The following EDA2R variants were observed in gnomAD, a reference collection of about 807,000 sequenced individuals.
EDA2R encodes the protein ectodysplasin A2 receptor.
In EDA2R, 26 loss-of-function variants were observed where a neutral mutation model predicts 20.1. That is an observed-to-expected ratio of 1.30 (90% CI 0.95 to 1.80). The LOEUF (loss-of-function observed/expected upper bound fraction) is 1.80, where lower values mean the gene tolerates loss of function less well. Among genes scored for constraint, EDA2R ranks in the 40% most tolerant of loss-of-function variants. The pLI is 0.00. For missense variants in EDA2R, 277 were observed against 228.7 expected (o/e 1.21, Z -1.36); for synonymous variants, 114 against 88.7 (o/e 1.29, Z -1.60).
chrX:66,613,031 AATT>A (rs1931050647), intron 2 of EDA2R, among the ~76,000 whole-genome samples: 1 of 111,504 alleles, frequency 9.0e-6, no homozygotes, highest in Non-Finnish European at 1.9e-5. Context: ...TTACAATAAT[AATT>A]ATTTGTTTTA....
At chrX:66,634,447 T>C (rs1934139363) in intron 1 of EDA2R, among the ~76,000 whole-genome samples, 1 of 111,267 alleles carries the variant, frequency 9.0e-6, no homozygotes, top group Non-Finnish European at 1.9e-5. Flanking sequence ...CTACTTGAAG[T>C]CCTTTAGTAA....
chrX:66,598,143 C>A, intron 6 of EDA2R, 50 bp from the exon 7 acceptor site: 1 of 577,151 alleles, frequency 1.7e-6, no homozygotes, highest in South Asian at 3.2e-5. Context: ...ATCTCACTAG[C>A]ACCCTTCTTT....
intron 2 of EDA2R, among the ~76,000 whole-genome samples, chrX:66,610,828 G>A (rs1200431602): frequency 9.0e-6 from 1 of 111,315 alleles, no homozygotes; most frequent in African/African-American, 3.3e-5. Context: ...CCATGGGCCT[G>A]CGATTCCCCA....
At chrX:66,630,173 A>G (rs1342106854) in intron 1 of EDA2R, among the ~76,000 whole-genome samples, 1 of 111,821 alleles carries the variant, frequency 8.9e-6, no homozygotes, top group Non-Finnish European at 1.9e-5. Flanking sequence ...CATCTCTCAC[A>G]TTACACACAA....
At position 66,597,407 on chromosome X, in the gene EDA2R, T is replaced by G. The variant is rs1475076952; in HGVS notation, c.*697A>C. The G allele has an allele frequency of 8.9e-6, 1 of 111,917 alleles. No individual in the cohort carries two copies. The highest frequency in any genetic ancestry group is 1.9e-5 in the Non-Finnish European group (1 of 53,205). 9.2% of individuals were successfully genotyped at this position (111,917 alleles called of 1,213,427 possible). On this transcript the variant is annotated 3_prime_UTR_variant, in exon 7 of 7. Coordinates refer to ENST00000374719, the MANE Select transcript of EDA2R (RefSeq NM_021783.5). The stretch of plus-strand genomic sequence containing the variant: ...ACTCAGGCCCCAGAAGGAAGATTAC[T>G]TTGGCTCAGAAATGTTCTGTAAGGT...
chrX:66,610,027 G>T lies in EDA2R; in HGVS notation c.88-4801C>A, dbSNP rs765607419. On this transcript the variant is annotated intron_variant, in intron 2 of 6. Coordinates refer to ENST00000374719, the MANE Select transcript of EDA2R (RefSeq NM_021783.5). ...GTCCAGAAGCAGTAAAGGAAAGATA[G>T]ATATAATTACATAAAAATTTTAAAA... 1.6e-4 allele frequency among the ~76,000 whole-genome samples: 18 copies of T among 111,342 alleles called. 1 individual carries two copies. In the East Asian group the frequency reaches 4.5e-3, roughly 28 times the overall value.
intron 2 of EDA2R, among the ~76,000 whole-genome samples, chrX:66,607,205 C>T: frequency 8.9e-6 from 1 of 112,028 alleles, no homozygotes; most frequent in Non-Finnish European, 1.9e-5. Context: ...TAAGTAGTTC[C>T]CCAGCACAGA....
intron 1 of EDA2R, among the ~76,000 whole-genome samples, chrX:66,620,063 C>T (rs969546714): frequency 4.5e-5 from 5 of 111,397 alleles, no homozygotes; most frequent in African/African-American, 1.6e-4. Context: ...ATTAGTTATA[C>T]CTGTCCTTGA....
Position 66,619,381 on chromosome X carries a change from C to T in EDA2R, c.-10-3351G>A, listed in dbSNP as rs781303970. ...GTCAACAAACGTTTGGAAACTTTTCCGAGACAATTGCCTTTGAAATGGAAG... is the reference window on the plus strand; with the variant it reads ...GTCAACAAACGTTTGGAAACTTTTCTGAGACAATTGCCTTTGAAATGGAAG... On this transcript the variant is annotated intron_variant, in intron 1 of 6. Transcript: ENST00000374719. Among the ~76,000 whole-genome samples, 14 of 111,862 alleles carry T rather than the reference C, an allele frequency of 1.3e-4. 1 individual carries two copies. The highest frequency in any genetic ancestry group is 3.2e-4 in the African/African-American group (10 of 30,803).
intron 1 of EDA2R, among the ~76,000 whole-genome samples, chrX:66,626,049 C>T (rs1277511091): frequency 9.0e-6 from 1 of 111,492 alleles, no homozygotes; most frequent in Non-Finnish European, 1.9e-5. Flanking sequence ...ACTGACAGAG[C>T]CTACGCAAAT....
At chrX:66,608,315 T>C (rs983313819) in intron 2 of EDA2R, among the ~76,000 whole-genome samples, 7 of 110,723 alleles carry the variant, frequency 6.3e-5, no homozygotes, top group African/African-American at 2.0e-4. Context: ...TCAAATCTGA[T>C]GAAAGACATA....
intron 1 of EDA2R, among the ~76,000 whole-genome samples, chrX:66,633,885 T>C (rs1405177125): frequency 8.9e-6 from 1 of 111,838 alleles, no homozygotes; most frequent in Non-Finnish European, 1.9e-5. Flanking sequence ...TAAAACTCAG[T>C]CAAGTACTCC....
At chrX:66,624,226 T>A (rs770896976) in intron 1 of EDA2R, among the ~76,000 whole-genome samples, 1 of 112,065 alleles carries the variant, frequency 8.9e-6, no homozygotes, top group East Asian at 2.8e-4. Flanking sequence ...TTATCAAAAA[T>A]TAATAAATTT....
Position 66,605,030 on chromosome X carries a change from C to A in EDA2R, c.266+18G>T. 8.5e-7 allele frequency: 1 copy of A among 1,182,136 alleles called. No individual in the cohort carries two copies. Among genetic ancestry groups the A allele is most frequent in the Non-Finnish European group, 1.1e-6 (1 of 878,850 alleles). ...CTAGAAAAGCCCAGACAAGCTTGGTCTCATAAAGCAAGCTCACCTGGGCAA... is the reference window on the plus strand; with the variant it reads ...CTAGAAAAGCCCAGACAAGCTTGGTATCATAAAGCAAGCTCACCTGGGCAA... On this transcript the variant is annotated intron_variant, in intron 3 of 6. Coordinates refer to ENST00000374719, the MANE Select transcript of EDA2R (RefSeq NM_021783.5).
chrX:66,634,176 A>C (rs762436439), intron 1 of EDA2R, among the ~76,000 whole-genome samples: 88 of 112,263 alleles, frequency 7.8e-4, no homozygotes, highest in Non-Finnish European at 1.3e-3. Context: ...AGAATGAGGC[A>C]TGTCTGTACA....
intron 1 of EDA2R, among the ~76,000 whole-genome samples, chrX:66,630,193 A>C (rs928530008): frequency 2.7e-5 from 3 of 112,004 alleles, no homozygotes; most frequent in African/African-American, 9.7e-5. Context: ...AATCAATTCA[A>C]GATAGATTAA....
chrX:66,608,884 C>G (rs1602223646), intron 2 of EDA2R, among the ~76,000 whole-genome samples: 1 of 111,563 alleles, frequency 9.0e-6, no homozygotes, highest in Non-Finnish European at 1.9e-5. Context: ...TTAAGGCATA[C>G]AGAGACTGTA....
chrX:66,605,062 C>T lies in EDA2R; in HGVS notation c.252G>A (p.Gly84=), dbSNP rs1310826104. 2.5e-6 allele frequency: 3 copies of T among 1,204,285 alleles called. No homozygotes were observed. Among genetic ancestry groups the T allele is most frequent in the Non-Finnish European group, 3.4e-6 (3 of 891,868 alleles). ...NCTATSNAVC[G]DCLPRFYRKT... ...AGCAAGCTCACCTGGGCAAACAGTC[C>T]CCACAGACAGCATTAGAGGTAGCTG... The change falls in exon 3 of 7, where the codon GGG becomes GGA. Residue 84 remains glycine (G), a synonymous_variant. Coordinates refer to ENST00000374719, the MANE Select transcript of EDA2R (RefSeq NM_021783.5).
chrX:66,604,461 G>T lies in EDA2R; in HGVS notation c.312C>A (p.Cys104Ter). The T allele has an allele frequency of 8.3e-7, 1 of 1,209,489 alleles. No homozygotes were observed. Among genetic ancestry groups the T allele is most frequent in the Non-Finnish European group, 1.1e-6 (1 of 894,178 alleles). Reference protein sequence around the residue: ...TRIGGLQDQECIPCTKQTPTS... With the variant: ...TRIGGLQDQE ...TGGGGGTCTGCTTCGTGCACGGGAT[G>T]CACTCTTGGTCCTGCAGGCCTCCAA... is the stretch of plus-strand genomic sequence containing the variant. The change falls in exon 4 of 7, where the codon TGC becomes TGA. Residue 104 changes from cysteine to a stop codon, truncating the protein, a stop_gained. Transcript: ENST00000374719. LOFTEE classifies it high-confidence loss of function.
Sources: allele counts gnomAD v4.1 joint callset (sites outside exome capture counted in the v4.1 genomes callset), GRCh38; gene constraint gnomAD v4.1.1; transcripts MANE v1.5; gene names NCBI Gene and HGNC (gene_info 2026-07-23, HGNC 2026-07-21).